Variants in TMEM132C observed in about 807,000 individuals in gnomAD.
The protein encoded by TMEM132C is protein phosphatase 1, regulatory subunit 152.
A neutral mutation model predicts 61.4 loss-of-function variants in TMEM132C; 29 were observed. The observed-to-expected ratio is 0.47, with a 90% CI of 0.35 to 0.64. The LOEUF is 0.64. TMEM132C is among the 30% of genes least tolerant of loss of function. The pLI is 0.00. For missense variants in TMEM132C, 1,408 were observed against 1,476.9 expected (o/e 0.95, Z 0.76); for synonymous variants, 656 against 633.1 (o/e 1.04, Z -0.54).
intron 1 of TMEM132C, among the ~76,000 whole-genome samples, chr12:128,313,101 AG>A (rs1359953978): frequency 6.6e-6 from 1 of 152,218 alleles, no homozygotes; most frequent in African/African-American, 2.4e-5. Context: ...CCGGCCTGCA[AG>A]GGGGTGTCTT....
At chr12:128,420,172 G>C (rs1868939751) in intron 2 of TMEM132C, among the ~76,000 whole-genome samples, 1 of 152,036 alleles carries the variant, frequency 6.6e-6, no homozygotes, top group South Asian at 2.1e-4. Context: ...GTCCAGCCTG[G>C]GTGACAAGAG....
intron 2 of TMEM132C, among the ~76,000 whole-genome samples, chr12:128,456,161 G>T (rs1272718886): frequency 6.6e-6 from 1 of 151,902 alleles, no homozygotes; most frequent in Non-Finnish European, 1.5e-5. Flanking sequence ...CACCACGTGG[G>T]CTCTTTCAGG....
intron 1 of TMEM132C, among the ~76,000 whole-genome samples, chr12:128,290,562 C>T (rs190417597): frequency 1.3e-3 from 195 of 152,192 alleles, no homozygotes; most frequent in Middle Eastern, 3.4e-3. Context: ...ACTGTTCCAC[C>T]GGGAGTTATA....
Position 128,650,904 on chromosome 12 carries a change from G to A in TMEM132C, c.1306-18513G>A, listed in dbSNP as rs1438282309. ...AATTCCACCAACTGGAGTGGTGTGGGCTCCAACGAATCAGAACAGACCAGA... is the reference window on the plus strand; with the variant it reads ...AATTCCACCAACTGGAGTGGTGTGGACTCCAACGAATCAGAACAGACCAGA... On this transcript the variant is annotated intron_variant, in intron 4 of 8. Transcript: ENST00000435159. Among the ~76,000 whole-genome samples, 3 of 152,110 alleles carry A rather than the reference G, an allele frequency of 2.0e-5. No homozygotes were observed. The East Asian group carries it at 5.8e-4, about 29-fold the overall frequency.
At chr12:128,284,349 T>C (rs184880146) in intron 1 of TMEM132C, among the ~76,000 whole-genome samples, 3 of 152,346 alleles carry the variant, frequency 2.0e-5, no homozygotes, top group South Asian at 4.1e-4. Context: ...CTTACTCTTA[T>C]GGTAACCTCA....
chr12:128,293,727 G>A (rs1379931041), intron 1 of TMEM132C, among the ~76,000 whole-genome samples: 2 of 152,138 alleles, frequency 1.3e-5, no homozygotes, highest in Non-Finnish European at 2.9e-5. Context: ...AAGGTCGAGA[G>A]TGATTCTTTA....
rs1008023200 is a variant in TMEM132C, at chr12:128,446,067, C to T, written c.974+30447C>T. On this transcript the variant is annotated intron_variant, in intron 2 of 8. Coordinates refer to ENST00000435159, the MANE Select transcript of TMEM132C (RefSeq NM_001136103.3). Reference sequence around the variant, plus strand: ...AAAAGCAACGGGGGATGGTGTGAGACTTGTCAGTATTTGGACATGTATCTT... The same window carrying T: ...AAAAGCAACGGGGGATGGTGTGAGATTTGTCAGTATTTGGACATGTATCTT... 1.3e-4 allele frequency among the ~76,000 whole-genome samples: 20 copies of T among 152,204 alleles called. 1 individual carries two copies. The highest frequency in any genetic ancestry group is 3.6e-4 in the African/African-American group (15 of 41,454).
Position 128,528,040 on chromosome 12 carries a change from A to G in TMEM132C, c.975-15917A>G, listed in dbSNP as rs941621181. On this transcript the variant is annotated intron_variant, in intron 2 of 8. Coordinates refer to ENST00000435159, the MANE Select transcript of TMEM132C (RefSeq NM_001136103.3). Reference sequence around the variant, plus strand: ...AAACACTTAGAAGAGAGCCTGGCTGATACTGGCAATATTAATGAGAAATGT... The same window carrying G: ...AAACACTTAGAAGAGAGCCTGGCTGGTACTGGCAATATTAATGAGAAATGT... Among the ~76,000 whole-genome samples the G allele has an allele frequency of 1.1e-4, 16 of 152,352 alleles. No homozygotes were observed. The East Asian group carries it at 3.1e-3, about 29-fold the overall frequency.
chr12:128,359,029 G>A (rs1873609729), intron 1 of TMEM132C, among the ~76,000 whole-genome samples: 1 of 152,164 alleles, frequency 6.6e-6, no homozygotes, highest in African/African-American at 2.4e-5. Context: ...CAGCAAGAGA[G>A]GTAATAGTAT....
At position 128,439,603 on chromosome 12, in the gene TMEM132C, G is replaced by A. The variant is rs537697850; in HGVS notation, c.974+23983G>A. 1.2e-4 allele frequency among the ~76,000 whole-genome samples: 19 copies of A among 152,282 alleles called. No homozygotes were observed. The East Asian group carries it at 2.1e-3, about 17-fold the overall frequency. On this transcript the variant is annotated intron_variant, in intron 2 of 8. Coordinates refer to ENST00000435159, the MANE Select transcript of TMEM132C (RefSeq NM_001136103.3). ...TAGGAACTTCCAGAAAATTTGTGAAGAAGAACCTTTCTTTTTTTCAGCAGG... is the reference window on the plus strand; with the variant it reads ...TAGGAACTTCCAGAAAATTTGTGAAAAAGAACCTTTCTTTTTTTCAGCAGG...
intron 3 of TMEM132C, among the ~76,000 whole-genome samples, chr12:128,550,162 A>G (rs1298710805): frequency 1.3e-5 from 2 of 152,268 alleles, no homozygotes; most frequent in East Asian, 1.9e-4. Flanking sequence ...TGAATTCTGG[A>G]AAGTCCGAGG....
intron 1 of TMEM132C, among the ~76,000 whole-genome samples, chr12:128,300,566 C>CTATA (rs1871562823): frequency 6.6e-6 from 1 of 152,104 alleles, no homozygotes; most frequent in African/African-American, 2.4e-5. Context: ...GACTCTAAGC[C>CTATA]TATGAGAGGA....
chr12:128,310,556 C>T lies in TMEM132C; in HGVS notation c.85+43069C>T, dbSNP rs150087741. The stretch of plus-strand genomic sequence containing the variant: ...AGAGTGGGGTCGGGGGTTTGCCACA[C>T]GCTATTACACCACCTTCCATGAACT... On this transcript the variant is annotated intron_variant, in intron 1 of 8. Transcript: ENST00000435159. Among the ~76,000 whole-genome samples, 1,458 of 152,146 alleles carry T rather than the reference C, an allele frequency of 9.6e-3. 17 individuals are homozygous for T. Among genetic ancestry groups the T allele is most frequent in the African/African-American group, 0.031 (1,301 of 41,490 alleles).
chr12:128,579,002 T>C (rs1423834184), intron 3 of TMEM132C, among the ~76,000 whole-genome samples: 2 of 152,208 alleles, frequency 1.3e-5, no homozygotes, highest in African/African-American at 4.8e-5. Context: ...TTTAGGGGAT[T>C]ATCTATGCCA....
chr12:128,409,809 G>C (rs2136017098), intron 1 of TMEM132C, among the ~76,000 whole-genome samples: 1 of 152,292 alleles, frequency 6.6e-6, no homozygotes, highest in South Asian at 2.1e-4. Flanking sequence ...CCAGTGGAGA[G>C]AGGGTGGCAT....
intron 2 of TMEM132C, among the ~76,000 whole-genome samples, chr12:128,456,025 C>G (rs1425246295): frequency 6.6e-6 from 1 of 152,170 alleles, no homozygotes; most frequent in African/African-American, 2.4e-5. Flanking sequence ...CAGCTTTGCT[C>G]TATTTGGAGT....
At chr12:128,365,743 G>A (rs537716592) in intron 1 of TMEM132C, among the ~76,000 whole-genome samples, 22 of 152,242 alleles carry the variant, frequency 1.4e-4, no homozygotes, top group Non-Finnish European at 2.9e-4. Flanking sequence ...CCCCACAGTT[G>A]TGCTCCGAAT....
At chr12:128,629,801 A>T (rs752499195) in intron 4 of TMEM132C, among the ~76,000 whole-genome samples, 56 of 152,266 alleles carry the variant, frequency 3.7e-4, no homozygotes, top group Middle Eastern at 6.8e-3. Context: ...CTCAGTCTCT[A>T]CTAAAAATAC....
chr12:128,584,711 T>C (rs1227991426), intron 3 of TMEM132C, among the ~76,000 whole-genome samples: 5 of 152,228 alleles, frequency 3.3e-5, no homozygotes, highest in African/African-American at 1.2e-4. Flanking sequence ...CCACCTCAAC[T>C]GGGTCCAGAA....
Sources: gnomAD v4.1 joint callset for allele counts (sites outside exome capture counted in the v4.1 genomes callset) on GRCh38, gnomAD v4.1.1 for gene constraint, MANE v1.5 for transcripts, NCBI Gene and HGNC (gene_info 2026-07-23, HGNC 2026-07-21) for gene names.